The following PTPRT variants were observed in gnomAD, a reference collection of about 807,000 sequenced individuals.
PTPRT encodes the protein protein tyrosine phosphatase receptor type T.
In PTPRT, 56 loss-of-function variants were observed where a neutral mutation model predicts 176.8. The observed-to-expected ratio is 0.32, with a 90% CI of 0.26 to 0.40. The LOEUF is 0.40. PTPRT is among the 10% of genes least tolerant of loss of function. The pLI is 1.00. For missense variants in PTPRT, 1,540 were observed against 1,908.2 expected (o/e 0.81, Z 3.60); for synonymous variants, 783 against 739.0 (o/e 1.06, Z -0.96).
intron 18 of PTPRT, 78 bp downstream of exon 18, chr20:42,141,837 A>C (rs1988644442): frequency 7.7e-7 from 1 of 1,290,614 alleles, no homozygotes; most frequent in African/African-American, 1.5e-5. Context: ...AACAAATTCC[A>C]GGTAAATAAT....
intron 7 of PTPRT, among the ~76,000 whole-genome samples, chr20:42,614,725 C>T (rs879617963): frequency 6.6e-6 from 1 of 152,056 alleles, no homozygotes; most frequent in African/African-American, 2.4e-5. Flanking sequence ...CATTTTCATG[C>T]TGCTGATAAG....
In PTPRT at chr20:42,315,851, C is replaced by A; in HGVS notation, c.2011G>T (p.Ala671Ser). 1 of 1,614,164 alleles carries A rather than the reference C, an allele frequency of 6.2e-7. No homozygotes were observed. The highest frequency in any genetic ancestry group is 8.5e-7 in the Non-Finnish European group (1 of 1,180,040). Residue 671 changes from alanine (A) to serine (S), a missense_variant, in exon 12 of 31, where the codon GCC becomes TCC. Coordinates refer to ENST00000373187, the MANE Select transcript of PTPRT (RefSeq NM_007050.6). ...LHYFAAELKP[A>S]NLPVTQPFTV... ...AATGGCTGGGTGACAGGCAGGTTGGCAGGCTTCAACTCAGCAGCAAAGTAG... is the reference window on the plus strand; with the variant it reads ...AATGGCTGGGTGACAGGCAGGTTGGAAGGCTTCAACTCAGCAGCAAAGTAG...
rs754684203 is a variant in PTPRT at position 42,236,202 on chromosome 20, C to T, written c.2342+27G>A. ...ACAGGTTCCCTTACAGGGCACGAAGCAAAGTTAACACCAGCTCGATACTTA... is the reference window on the plus strand; with the variant it reads ...ACAGGTTCCCTTACAGGGCACGAAGTAAAGTTAACACCAGCTCGATACTTA... On this transcript the variant is annotated intron_variant, in intron 15 of 30. Transcript: ENST00000373187. The T allele has an allele frequency of 1.9e-6, 3 of 1,575,924 alleles. No individual in the cohort carries two copies. In the Admixed American group the frequency reaches 5.1e-5, roughly 27 times the overall value.
chr20:42,118,298 G>T, intron 21 of PTPRT, 105 bp downstream of exon 21: 1 of 954,684 alleles, frequency 1.0e-6, no homozygotes, highest in Non-Finnish European at 1.5e-6. Context: ...TGCCGTGAGG[G>T]TGAAATACTG....
intron 5 of PTPRT, among the ~76,000 whole-genome samples, chr20:42,765,998 A>C (rs894837260): frequency 2.0e-5 from 3 of 152,150 alleles, no homozygotes; most frequent in African/African-American, 7.2e-5. Context: ...TCATTGGAAA[A>C]ATATGCATAT....
intron 27 of PTPRT, among the ~76,000 whole-genome samples, chr20:42,086,297 G>A (rs576107204): frequency 6.4e-4 from 97 of 152,230 alleles, no homozygotes; most frequent in Middle Eastern, 3.4e-3. Flanking sequence ...AGAGTATTAT[G>A]TAGGAAATTA....
At chr20:42,240,635 C>G (rs1171349658) in intron 14 of PTPRT, among the ~76,000 whole-genome samples, 2 of 152,112 alleles carry the variant, frequency 1.3e-5, no homozygotes, top group Non-Finnish European at 2.9e-5. Context: ...ATCACAAACC[C>G]ACCTGTTCAG....
At chr20:42,919,176 A>G (rs1978985747) in intron 1 of PTPRT, among the ~76,000 whole-genome samples, 1 of 152,186 alleles carries the variant, frequency 6.6e-6, no homozygotes, top group South Asian at 2.1e-4. Context: ...GATCCCCCAG[A>G]GATGGCATAA....
At chr20:42,403,996 A>ACTT (rs1456008532) in intron 9 of PTPRT, among the ~76,000 whole-genome samples, 1 of 152,052 alleles carries the variant, frequency 6.6e-6, no homozygotes, top group African/African-American at 2.4e-5. Context: ...CAAACTCAGA[A>ACTT]CTTCATTCTG....
At chr20:42,837,694 A>T (rs1317286679) in intron 2 of PTPRT, among the ~76,000 whole-genome samples, 1 of 152,226 alleles carries the variant, frequency 6.6e-6, no homozygotes, top group African/African-American at 2.4e-5. Flanking sequence ...AGCCTATTCC[A>T]GTGCTTAGCA....
the PTPRT span, among the ~76,000 whole-genome samples, chr20:42,067,566 T>A: frequency 6.6e-6 from 1 of 152,184 alleles, no homozygotes; most frequent in Admixed American, 6.5e-5. Flanking sequence ...CCCCTTACCA[T>A]CCTTCTTACT....
intron 17 of PTPRT, among the ~76,000 whole-genome samples, chr20:42,151,837 G>A (rs1249720337): frequency 1.3e-5 from 2 of 152,226 alleles, no homozygotes; most frequent in Non-Finnish European, 2.9e-5. Context: ...TTCCCAGGAT[G>A]TAGGACTTTC....
At chr20:43,177,817 A>C (rs2146474431) in intron 1 of PTPRT, among the ~76,000 whole-genome samples, 1 of 152,368 alleles carries the variant, frequency 6.6e-6, no homozygotes, top group Admixed American at 6.5e-5. Flanking sequence ...TTAAACTAAA[A>C]AATTCTGTTT....
chr20:42,332,782 A>T (rs914981598), intron 11 of PTPRT, among the ~76,000 whole-genome samples: 3 of 152,224 alleles, frequency 2.0e-5, no homozygotes, highest in Non-Finnish European at 2.9e-5. Context: ...AACTGTAAAG[A>T]TCTTCAATAA....
At chr20:42,111,298 A>T (rs888743875) in intron 22 of PTPRT, among the ~76,000 whole-genome samples, 1 of 142,804 alleles carries the variant, frequency 7.0e-6, no homozygotes, top group African/African-American at 2.7e-5. Flanking sequence ...AGTCTGTTTG[A>T]TTATTCATTC....
intron 3 of PTPRT, among the ~76,000 whole-genome samples, chr20:42,789,244 C>G (rs2077338142): frequency 6.6e-6 from 1 of 152,124 alleles, no homozygotes; most frequent in Admixed American, 6.5e-5. Flanking sequence ...ATTACATGTC[C>G]AAGTGATAGT....
rs1256566533 is a variant in PTPRT at position 42,466,757 on chromosome 20, G to A, written c.1450+5509C>T. Among the ~76,000 whole-genome samples, 9 of 151,952 alleles carry A rather than the reference G, an allele frequency of 5.9e-5. No individual in the cohort carries two copies. In the East Asian group the frequency reaches 1.2e-3, roughly 20 times the overall value. ...ACTGAAAGAACCTACAGGCAATAAC[G>A]CATCACCGAGCACACCTAAGATGTA... On this transcript the variant is annotated intron_variant, in intron 8 of 30. Coordinates refer to ENST00000373187, the MANE Select transcript of PTPRT (RefSeq NM_007050.6).
At chr20:42,851,579 CTG>C (rs1425161809) in intron 2 of PTPRT, among the ~76,000 whole-genome samples, 5 of 152,100 alleles carry the variant, frequency 3.3e-5, no homozygotes, top group Non-Finnish European at 7.4e-5. Context: ...AAGATGTTTC[CTG>C]TTTATTTGCT....
intron 2 of PTPRT, among the ~76,000 whole-genome samples, chr20:42,839,888 G>A (rs1436744268): frequency 6.6e-6 from 1 of 152,176 alleles, no homozygotes; most frequent in African/African-American, 2.4e-5. Context: ...TTAGACTGGG[G>A]TGTAGCCAGG....
Sources: allele counts gnomAD v4.1 joint callset (sites outside exome capture counted in the v4.1 genomes callset), GRCh38; gene constraint gnomAD v4.1.1; transcripts MANE v1.5; gene names NCBI Gene and HGNC (gene_info 2026-07-23, HGNC 2026-07-21).